The following CDYL variants were observed in gnomAD, a reference collection of about 807,000 sequenced individuals.
The protein encoded by CDYL is chromodomain Y-like protein.
Under a neutral mutation model 47.3 loss-of-function variants are expected in CDYL, and 8 were observed. The observed-to-expected ratio is 0.17, with a 90% CI of 0.10 to 0.31. The LOEUF (loss-of-function observed/expected upper bound fraction) is 0.31. Ranked by LOEUF, CDYL falls within the 10% of genes least tolerant of loss-of-function variation. The pLI, the probability that CDYL is intolerant of heterozygous loss-of-function variation, is 1.00. For synonymous variants in CDYL, 266 were observed against 265.0 expected, an observed-to-expected ratio of 1.00 and a Z score of -0.04; for missense variants, 471 against 701.4, an observed-to-expected ratio of 0.67 and a Z score of 3.71.
intron 2 of CDYL, among the ~76,000 whole-genome samples, chr6:4,903,259 G>A (rs1012228455): frequency 2.0e-5 from 3 of 152,108 alleles, no homozygotes; most frequent in East Asian, 1.9e-4. Context: ...CCTGCTGTAC[G>A]TGCACATGTC....
intron 1 of CDYL, among the ~76,000 whole-genome samples, chr6:4,798,782 A>T (rs1203488039): frequency 2.0e-5 from 3 of 152,310 alleles, no homozygotes; most frequent in African/African-American, 7.2e-5. Flanking sequence ...CAGTGAAGCT[A>T]TTGGGGACTA....
chr6:4,836,927 G>A (rs1354983435), intron 1 of CDYL, among the ~76,000 whole-genome samples: 2 of 152,212 alleles, frequency 1.3e-5, no homozygotes, highest in African/African-American at 2.4e-5. Context: ...GCCCTGGAAT[G>A]GAGTGATGGG....
chr6:4,768,913 C>G (rs1758295735), intron 3 of CDYL, among the ~76,000 whole-genome samples: 1 of 152,082 alleles, frequency 6.6e-6, no homozygotes, highest in Admixed American at 6.6e-5. Flanking sequence ...TCTTCCTCCC[C>G]CAAACACAAA....
At chr6:4,833,062 C>T (rs1319337328) in intron 1 of CDYL, among the ~76,000 whole-genome samples, 2 of 147,194 alleles carry the variant, frequency 1.4e-5, no homozygotes, top group Non-Finnish European at 3.0e-5. Context: ...TTTTTTGTGT[C>T]TCTATTTCCT....
intron 3 of CDYL, among the ~76,000 whole-genome samples, chr6:4,936,323 A>G (rs1208619861): frequency 1.3e-5 from 2 of 152,216 alleles, no homozygotes; most frequent in Non-Finnish European, 2.9e-5. Flanking sequence ...TAAGTTTTCC[A>G]GAACTGGTTG....
At chr6:4,876,799 T>A (rs1761633056) in intron 1 of CDYL, among the ~76,000 whole-genome samples, 1 of 152,126 alleles carries the variant, frequency 6.6e-6, no homozygotes. Flanking sequence ...TGACATGAAT[T>A]TTGTGGGAAT....
chr6:4,791,678 C>G (rs77104321), intron 1 of CDYL, among the ~76,000 whole-genome samples: 4,921 of 151,084 alleles, frequency 0.033, 267 homozygotes, highest in African/African-American at 0.11. Context: ...GGGCCCTGTG[C>G]GTGTTTACTG....
chr6:4,721,324 T>C (rs1451935796), intron 2 of CDYL, among the ~76,000 whole-genome samples: 1 of 152,160 alleles, frequency 6.6e-6, no homozygotes, highest in Non-Finnish European at 1.5e-5. Flanking sequence ...TTTCCAATTT[T>C]ACCCTGTGTG....
chr6:4,732,755 C>T (rs1350686851), intron 2 of CDYL, among the ~76,000 whole-genome samples: 5 of 151,714 alleles, frequency 3.3e-5, no homozygotes, highest in Admixed American at 2.6e-4. Context: ...AAGGAGAAAG[C>T]AATAGATAAG....
Position 4,707,036 on chromosome 6 carries a change from G to A in CDYL, c.-39+785G>A, listed in dbSNP as rs1296177206. Among the ~76,000 whole-genome samples, 40 of 152,130 alleles carry A rather than the reference G, an allele frequency of 2.6e-4. 1 individual carries two copies. Among genetic ancestry groups the A allele is most frequent in the Admixed American group, 2.6e-3 (40 of 15,278 alleles). ...GATAAAACAGAGGCACCAACTACCA[G>A]GTGTTTTCTACAATAAGGGCCTCAA... is the stretch of plus-strand genomic sequence containing the variant. On this transcript the variant is annotated intron_variant, in intron 1 of 8. Coordinates refer to the CDYL transcript ENST00000328908.
chr6:4,812,045 C>T (rs1759543252), intron 1 of CDYL, among the ~76,000 whole-genome samples: 1 of 152,190 alleles, frequency 6.6e-6, no homozygotes, highest in Non-Finnish European at 1.5e-5. Flanking sequence ...CTCTGAGGCA[C>T]CGCCCCAATC....
chr6:4,792,662 C>G (rs1758959381), intron 1 of CDYL, among the ~76,000 whole-genome samples: 1 of 152,166 alleles, frequency 6.6e-6, no homozygotes, highest in Middle Eastern at 3.4e-3. Context: ...TCTGGAATTC[C>G]TATCCTCAAG....
intron 1 of CDYL, among the ~76,000 whole-genome samples, chr6:4,792,985 A>G (rs1758967066): frequency 6.6e-6 from 1 of 152,164 alleles, no homozygotes; most frequent in African/African-American, 2.4e-5. Context: ...ATCCATGTGT[A>G]GGGCAGTTTC....
intron 5 of CDYL, among the ~76,000 whole-genome samples, chr6:4,944,117 T>TAG (rs1420249354): frequency 1.3e-5 from 2 of 152,240 alleles, no homozygotes; most frequent in Non-Finnish European, 2.9e-5. Context: ...TACATAGGAT[T>TAG]AGAGGGTTGT....
rs1029392190 is a variant in CDYL, at chr6:4,954,830, G to C, written c.*774G>C. On this transcript the variant is annotated 3_prime_UTR_variant, in exon 7 of 7. Coordinates refer to ENST00000397588, the MANE Select transcript of CDYL (RefSeq NM_004824.4). ...TATCTAAGTTATAAGTTAGTCTTTA[G>C]TGGGTTTTAAATAGTTTTTCTGACC... is the stretch of plus-strand genomic sequence containing the variant. 6.6e-6 allele frequency: 1 copy of C among 152,184 alleles called. No homozygotes were observed. The highest frequency in any genetic ancestry group is 1.5e-5 in the Non-Finnish European group (1 of 68,038). The allele number at this position is 152,184 out of a possible 1,614,324, so 9.4% of individuals were successfully genotyped here. A position where few individuals can be genotyped will look rare whatever the true frequency, so the allele number is the denominator to read the frequency against.
chr6:4,785,495 T>G (rs1758732026), intron 1 of CDYL, among the ~76,000 whole-genome samples: 1 of 152,238 alleles, frequency 6.6e-6, no homozygotes, highest in South Asian at 2.1e-4. Context: ...GTTCTTTGGT[T>G]AAAATGTATC....
chr6:4,934,456 T>G (rs1191427054), intron 2 of CDYL, among the ~76,000 whole-genome samples: 1 of 152,220 alleles, frequency 6.6e-6, no homozygotes, highest in African/African-American at 2.4e-5. Flanking sequence ...AGTTTTCTGG[T>G]GGCTTTGGCT....
chr6:4,770,005 G>GTGTGTA (rs1460325077), intron 3 of CDYL, among the ~76,000 whole-genome samples: 1 of 139,804 alleles, frequency 7.2e-6, no homozygotes, highest in East Asian at 2.0e-4. Flanking sequence ...GTGTGTGTGT[G>GTGTGTA]TGTGTATTTT....
At chr6:4,736,792 A>G (rs1757712148) in intron 3 of CDYL, among the ~76,000 whole-genome samples, 1 of 152,188 alleles carries the variant, frequency 6.6e-6, no homozygotes, top group African/African-American at 2.4e-5. Flanking sequence ...GTAAACATGA[A>G]TCCTCTCTTT....
Sources: allele counts gnomAD v4.1 joint callset (sites outside exome capture counted in the v4.1 genomes callset), GRCh38; gene constraint gnomAD v4.1.1; transcripts MANE v1.5; gene names NCBI Gene and HGNC (gene_info 2026-07-23, HGNC 2026-07-21).